The following ABLIM1 variants were observed in gnomAD, a reference collection of about 807,000 sequenced individuals.
ABLIM1 encodes actin binding LIM protein 1.
A neutral mutation model predicts 107.0 loss-of-function variants in ABLIM1; 40 were observed. That is an observed-to-expected ratio of 0.37 (90% confidence interval 0.29 to 0.49). ABLIM1 has a LOEUF of 0.49. Among genes scored for constraint, ABLIM1 ranks in the 20% least tolerant of loss-of-function variants. ABLIM1 has a pLI of 0.97. For missense variants in ABLIM1, 857 were observed against 1,008.5 expected (o/e 0.85, Z 2.04); for synonymous variants, 357 against 357.3 (o/e 1.00, Z 0.01).
At chr10:114,695,855 A>T (rs1243991373) in intron 1 of ABLIM1, among the ~76,000 whole-genome samples, 2 of 152,186 alleles carry the variant, frequency 1.3e-5, no homozygotes, top group East Asian at 3.9e-4. Context: ...ATCGTAAGAG[A>T]TTATGAGGAT....
At chr10:114,672,256 A>C (rs2080288375) in intron 1 of ABLIM1, among the ~76,000 whole-genome samples, 1 of 151,798 alleles carries the variant, frequency 6.6e-6, no homozygotes, top group Non-Finnish European at 1.5e-5. Context: ...GCTGGAGTGC[A>C]GTGGTGTAAT....
intron 1 of ABLIM1, among the ~76,000 whole-genome samples, chr10:114,669,627 A>C (rs923014952): frequency 6.6e-6 from 1 of 152,254 alleles, no homozygotes; most frequent in African/African-American, 2.4e-5. Context: ...ATAGGTATGA[A>C]ACAGGAGAAC....
rs1469681643 is a variant in ABLIM1 at position 114,705,713 on chromosome 10, C to G, written c.-213+62348G>C. ...TCTAAAATTCAGTGCAATGCCAAAGCAGAAAAGGTTAAGAAACTGTATCCC... is the reference window on the plus strand; with the variant it reads ...TCTAAAATTCAGTGCAATGCCAAAGGAGAAAAGGTTAAGAAACTGTATCCC... On this transcript the variant is annotated intron_variant, in intron 1 of 15. Transcript: ENST00000651092. Among the ~76,000 whole-genome samples the G allele has an allele frequency of 2.0e-5, 3 of 152,262 alleles. No homozygotes were observed. In the East Asian group the frequency reaches 5.8e-4, roughly 29 times the overall value.
chr10:114,685,664 T>A (rs2141640782), upstream of ABLIM1, among the ~76,000 whole-genome samples: 1 of 152,338 alleles, frequency 6.6e-6, no homozygotes, highest in East Asian at 1.9e-4. Context: ...CACAACTGGA[T>A]TGCTCGTTGA....
intron 2 of ABLIM1, among the ~76,000 whole-genome samples, chr10:114,582,053 A>G (rs1390549712): frequency 6.6e-6 from 1 of 152,180 alleles, no homozygotes; most frequent in African/African-American, 2.4e-5. Flanking sequence ...AGTCATCCAA[A>G]TAGGAAAAAA....
intron 6 of ABLIM1, among the ~76,000 whole-genome samples, chr10:114,536,267 G>T (rs1421415086): frequency 2.3e-5 from 2 of 86,012 alleles, no homozygotes; most frequent in Non-Finnish European, 4.0e-5. Context: ...TTTTTTTTGA[G>T]ATGGAGTCTC....
rs143815431 is a variant in ABLIM1 at position 114,453,466 on chromosome 10, C to T, written c.1459G>A (p.Gly487Ser). Reference sequence around the variant, plus strand: ...CGGTAAGGGAGAGGGGAGTTCCGGCCGCTGGACGGCTCATTGCCTCCAATG... The same window carrying T: ...CGGTAAGGGAGAGGGGAGTTCCGGCTGCTGGACGGCTCATTGCCTCCAATG... ...FHRPGNEPSS[G>S]RNSPLPYRPD... Residue 487 changes from glycine (G) to serine (S), a missense_variant, in exon 13 of 23, where the codon GGC (glycine) becomes AGC (serine). By Grantham distance (56) the Gly-to-Ser change is moderately conservative. Around this residue, in one of 5 missense-constraint regions of ABLIM1, gnomAD observed 381 missense variants for 506.9 expected, o/e 0.75. Transcript: ENST00000533213. 1.6e-4 allele frequency: 250 copies of T among 1,599,840 alleles called. No homozygotes were observed. The highest frequency in any genetic ancestry group is 3.3e-4 in the Middle Eastern group (2 of 6,020).
chr10:114,633,254 C>T (rs1341008519), intron 1 of ABLIM1, among the ~76,000 whole-genome samples: 2 of 152,186 alleles, frequency 1.3e-5, no homozygotes, highest in African/African-American at 4.8e-5. Context: ...ATCAACCTGC[C>T]TCCTCTTTGA....
chr10:114,557,354 A>G (rs983457943), intron 4 of ABLIM1, among the ~76,000 whole-genome samples: 1 of 152,228 alleles, frequency 6.6e-6, no homozygotes, highest in East Asian at 1.9e-4. Context: ...ATTACCACAC[A>G]ACAAACAAGT....
chr10:114,683,419 T>C (rs2080829807), intron 1 of ABLIM1, among the ~76,000 whole-genome samples: 1 of 152,206 alleles, frequency 6.6e-6, no homozygotes, highest in Admixed American at 6.5e-5. Flanking sequence ...GAATTATTCA[T>C]CAGTTACAGC....
At chr10:114,672,483 G>A (rs1326623623) in intron 1 of ABLIM1, among the ~76,000 whole-genome samples, 1 of 152,186 alleles carries the variant, frequency 6.6e-6, no homozygotes, top group East Asian at 1.9e-4. Context: ...TTACAGGCAT[G>A]AGCCACCCAC....
At chr10:114,489,956 T>C (rs1468469880) in intron 7 of ABLIM1, among the ~76,000 whole-genome samples, 3 of 152,152 alleles carry the variant, frequency 2.0e-5, no homozygotes, top group African/African-American at 7.2e-5. Context: ...CTTGAAACCT[T>C]CTCTCTCCAG....
At chr10:114,541,032 G>GA (rs2066591211) in intron 6 of ABLIM1, among the ~76,000 whole-genome samples, 1 of 152,134 alleles carries the variant, frequency 6.6e-6, no homozygotes, top group Non-Finnish European at 1.5e-5. Context: ...GGCTTTACAG[G>GA]AAAGAGGCAG....
chr10:114,487,890 A>C (rs2058408431), intron 8 of ABLIM1, 68 bp downstream of exon 8: 17 of 1,576,150 alleles, frequency 1.1e-5, no homozygotes, highest in Non-Finnish European at 1.5e-5. Flanking sequence ...CCCTAGCCCC[A>C]AGAATTAGTG....
At position 114,441,041 on chromosome 10, in the gene ABLIM1, C is replaced by A; in HGVS notation, c.2035G>T (p.Gly679Trp). Residue 679 changes from glycine (G) to tryptophan (W), a missense_variant, in exon 19 of 23, where the codon GGG becomes TGG. Around this residue, in one of 5 missense-constraint regions of ABLIM1, gnomAD observed 193 missense variants for 208.5 expected, o/e 0.93. Coordinates refer to ENST00000533213, the MANE Select transcript of ABLIM1 (RefSeq NM_002313.7). ...STDFAQYNSY[G>W]DVSGGVRDYQ... is the part of the protein sequence containing the mutation. ...CCTCGCACTCCCCCGCTGACATCCC[C>A]ATAGCTGTTATACTGAGCGAAGTCG... 1 of 1,590,860 alleles carries A rather than the reference C, an allele frequency of 6.3e-7. No homozygotes were observed.
intron 6 of ABLIM1, among the ~76,000 whole-genome samples, chr10:114,539,487 G>T (rs2066402411): frequency 6.6e-6 from 1 of 152,190 alleles, no homozygotes; most frequent in Admixed American, 6.5e-5. Context: ...CCTAGAGATG[G>T]TTATACCTTT....
intron 8 of ABLIM1, among the ~76,000 whole-genome samples, chr10:114,476,699 C>T (rs1212686713): frequency 7.2e-6 from 1 of 138,224 alleles, no homozygotes; most frequent in Non-Finnish European, 1.6e-5. Context: ...TTTCTAGATC[C>T]ATTTCCTAAT....
intron 3 of ABLIM1, among the ~76,000 whole-genome samples, chr10:114,573,768 T>C (rs2072055641): frequency 6.6e-6 from 1 of 152,206 alleles, no homozygotes. Flanking sequence ...CTTCTCATTC[T>C]AAGGTGGAGG....
chr10:114,499,106 G>A (rs1464236585), intron 6 of ABLIM1, among the ~76,000 whole-genome samples: 2 of 152,166 alleles, frequency 1.3e-5, no homozygotes, highest in Non-Finnish European at 2.9e-5. Flanking sequence ...GCTGACTCAA[G>A]GTCCACACGT....
Sources: allele counts gnomAD v4.1 joint callset (sites outside exome capture counted in the v4.1 genomes callset), GRCh38; gene constraint gnomAD v4.1.1; regional missense constraint gnomAD v4.1.1; transcripts MANE v1.5; gene names NCBI Gene and HGNC (gene_info 2026-07-23, HGNC 2026-07-21).